The following RHBG variants were observed in gnomAD, a reference collection of about 807,000 sequenced individuals.
RHBG encodes the protein ammonium transporter Rh type B.
In RHBG, 39 loss-of-function variants were observed where a neutral mutation model predicts 40.1. That is an observed-to-expected ratio of 0.97 (90% confidence interval 0.75 to 1.27). The LOEUF (loss-of-function observed/expected upper bound fraction) is 1.27. Among genes scored for constraint, RHBG ranks in the 50% most tolerant of loss-of-function variants. RHBG has a pLI of 0.00. For synonymous variants in RHBG, 237 were observed against 252.5 expected, an observed-to-expected ratio of 0.94 and a Z score of 0.58; for missense variants, 549 against 588.1, an observed-to-expected ratio of 0.93 and a Z score of 0.69.
At chr1:156,378,438 G>A (rs201683131) in intron 4 of RHBG, 39 bp downstream of exon 4, 3 of 1,546,032 alleles carry the variant, frequency 1.9e-6, no homozygotes, top group Non-Finnish European at 2.6e-6. Flanking sequence ...CAGGGGGCTG[G>A]TCTGGAGGCC....
chr1:156,384,173 A>G (rs1667877837), intron 8 of RHBG, among the ~76,000 whole-genome samples: 1 of 152,196 alleles, frequency 6.6e-6, no homozygotes, highest in Non-Finnish European at 1.5e-5. Flanking sequence ...GTGGGAGGCC[A>G]TAGAAAGCTC....
At chr1:156,373,052 G>A (rs1265205274) in intron 1 of RHBG, among the ~76,000 whole-genome samples, 1 of 152,220 alleles carries the variant, frequency 6.6e-6, no homozygotes, top group Non-Finnish European at 1.5e-5. Flanking sequence ...GAGTTATCTA[G>A]CTGGGTTGCA....
chr1:156,370,010 C>T (rs1308880561), intron 1 of RHBG, among the ~76,000 whole-genome samples: 1 of 152,104 alleles, frequency 6.6e-6, no homozygotes, highest in Non-Finnish European at 1.5e-5. Context: ...CTGGTCCTTT[C>T]AGAGACAAAG....
chr1:156,378,405 G>C lies in RHBG; in HGVS notation c.673+6G>C. 6.3e-7 allele frequency: 1 copy of C among 1,587,990 alleles called. No individual in the cohort carries two copies. The highest frequency in any genetic ancestry group is 8.6e-7 in the Non-Finnish European group (1 of 1,164,822). ...AGACCTCTTCGCCATGATTGGTGAGGCCTTCGAGGTGCGGTAGCAGGGCAG... is the reference window on the plus strand; with the variant it reads ...AGACCTCTTCGCCATGATTGGTGAGCCCTTCGAGGTGCGGTAGCAGGGCAG... On this transcript the variant is annotated splice_donor_region_variant and intron_variant, in intron 4 of 9. Coordinates refer to ENST00000537040, the MANE Select transcript of RHBG (RefSeq NM_020407.5).
chr1:156,384,696 C>G (rs1218546137), intron 9 of RHBG, 81 bp from the exon 10 acceptor site: 2 of 1,544,846 alleles, frequency 1.3e-6, no homozygotes, highest in Non-Finnish European at 1.8e-6. Context: ...GCTGCTCCTT[C>G]TCCTCTGGGG....
intron 4 of RHBG, among the ~76,000 whole-genome samples, chr1:156,380,221 C>T (rs1401615925): frequency 6.6e-6 from 1 of 151,170 alleles, no homozygotes; most frequent in African/African-American, 2.4e-5. Context: ...AGCAATTCTC[C>T]TGCCTCAGCC....
At position 156,378,319 on chromosome 1, in the gene RHBG, G is replaced by A. The variant is rs370851160; in HGVS notation, c.593G>A (p.Arg198Gln). Residue 198 changes from arginine (R) to glutamine (Q), a missense_variant, in exon 4 of 10, where the codon CGG (arginine) becomes CAG (glutamine). Arg to Gln is a conservative substitution (Grantham distance 43). Around this residue, in one of 3 missense-constraint regions of RHBG, gnomAD observed 399 missense variants for 417.0 expected, o/e 0.96. Transcript: ENST00000537040. ...GCCTACTTCGGGCTCGTCCTTTCGCGGGTTCTGTACAGGCCCCAGCTGGAG... is the reference window on the plus strand; with the variant it reads ...GCCTACTTCGGGCTCGTCCTTTCGCAGGTTCTGTACAGGCCCCAGCTGGAG... ...FGAYFGLVLS[R>Q]VLYRPQLEKS... 79 of 1,613,928 alleles carry A rather than the reference G, an allele frequency of 4.9e-5. No homozygotes were observed. Among genetic ancestry groups the A allele is most frequent in the African/African-American group, 2.8e-4 (21 of 74,916 alleles).
intron 4 of RHBG, among the ~76,000 whole-genome samples, chr1:156,380,112 C>CTTTTTT (rs67037881): frequency 3.1e-5 from 4 of 130,130 alleles, no homozygotes; most frequent in African/African-American, 8.5e-5. Context: ...CTTTCTTTTT[C>CTTTTTT]TTTTTTTTTT....
rs1169496061 is a variant in RHBG at position 156,377,920 on chromosome 1, A to C, written c.375-70A>C. 1.4e-6 allele frequency: 2 copies of C among 1,460,628 alleles called. No individual in the cohort carries two copies. The highest frequency in any genetic ancestry group is 2.3e-5 in the East Asian group (1 of 43,136). 90.5% of individuals were successfully genotyped at this position (1,460,628 alleles called of 1,614,324 possible). On this transcript the variant is annotated intron_variant, in intron 2 of 9. Coordinates refer to ENST00000537040, the MANE Select transcript of RHBG (RefSeq NM_020407.5). The surrounding 1 kb of genome is among the most constrained non-coding windows in gnomAD (Gnocchi z 4.6). ...CACCACATCATGCTGTCCTGGCTTC[A>C]TGCCAGGCAGGAACCCCGAGGCCAG... is the stretch of plus-strand genomic sequence containing the variant.
chr1:156,377,185 C>T lies in RHBG; in HGVS notation c.188-116C>T, dbSNP rs1019916764. 1.2e-5 allele frequency: 14 copies of T among 1,186,364 alleles called. No individual in the cohort carries two copies. Among genetic ancestry groups the T allele is most frequent in the East Asian group, 2.4e-5 (1 of 42,328 alleles). 73.5% of individuals were successfully genotyped at this position (1,186,364 alleles called of 1,614,324 possible). A position where few individuals can be genotyped will look rare whatever the true frequency, so the allele number is the denominator to read the frequency against. ...ACATGCCTGGGGAGTTTTATAGGCT[C>T]GGCTCAAGGCAGCCCTGGCTGGTGA... On this transcript the variant is annotated intron_variant, in intron 1 of 9. Coordinates refer to ENST00000537040, the MANE Select transcript of RHBG (RefSeq NM_020407.5). The surrounding 1 kb of genome is among the most constrained non-coding windows in gnomAD (Gnocchi z 4.6).
intron 7 of RHBG, chr1:156,382,502 C>T (rs953853798): frequency 2.0e-5 from 13 of 642,050 alleles, no homozygotes; most frequent in African/African-American, 5.5e-5. Flanking sequence ...AAAAGCAACC[C>T]GCAAATGGAG....
At chr1:156,381,993 T>C in intron 6 of RHBG, 50 bp downstream of exon 6, 1 of 1,608,756 alleles carries the variant, frequency 6.2e-7, no homozygotes, top group Admixed American at 1.7e-5. Flanking sequence ...TTTGGTACCT[T>C]TCCTCCCGCC....
At chr1:156,384,452 C>A (rs773285039) in intron 8 of RHBG, 75 bp from the exon 9 acceptor site, 5 of 1,340,306 alleles carry the variant, frequency 3.7e-6, no homozygotes, top group South Asian at 2.3e-5. Context: ...CCCCTGTGCC[C>A]TGTGGCACTG....
chr1:156,375,040 C>G (rs1452863340), intron 1 of RHBG, among the ~76,000 whole-genome samples: 1 of 151,350 alleles, frequency 6.6e-6, no homozygotes, highest in Non-Finnish European at 1.5e-5. Context: ...CATTTAGTGT[C>G]CCAACCCTAG....
Position 156,384,824 on chromosome 1 carries a change from G to A in RHBG, c.1356G>A (p.Glu452=). 1 of 1,613,346 alleles carries A rather than the reference G, an allele frequency of 6.2e-7. No homozygotes were observed. Among genetic ancestry groups the A allele is most frequent in the Non-Finnish European group, 8.5e-7 (1 of 1,179,504 alleles). ...EDKAQRPLRV[E]EADTQA ...AAGCCCAGAGACCTCTGAGGGTGGAGGAGGCAGACACTCAGGCCTAACCCA... is the reference window on the plus strand; with the variant it reads ...AAGCCCAGAGACCTCTGAGGGTGGAAGAGGCAGACACTCAGGCCTAACCCA... The change falls in exon 10 of 10, where the codon GAG becomes GAA. Residue 452 remains glutamate, a synonymous_variant. Coordinates refer to ENST00000537040, the MANE Select transcript of RHBG (RefSeq NM_020407.5).
In RHBG at chr1:156,384,810, C is replaced by T. The variant is rs542723285; in HGVS notation, c.1342C>T (p.Pro448Ser). The T allele has an allele frequency of 6.2e-7, 1 of 1,613,958 alleles. No homozygotes were observed. Among genetic ancestry groups the T allele is most frequent in the Admixed American group, 1.7e-5 (1 of 60,012 alleles). ...CGAGCATGAGGATAAAGCCCAGAGA[C>T]CTCTGAGGGTGGAGGAGGCAGACAC... ...PGEHEDKAQR[P>S]LRVEEADTQA The change falls in exon 10 of 10, where the codon CCT (proline) becomes TCT (serine). Residue 448 changes from proline to serine, a missense_variant. By Grantham distance (74) the Pro-to-Ser change is moderately conservative. Coordinates refer to ENST00000537040, the MANE Select transcript of RHBG (RefSeq NM_020407.5).
Position 156,377,446 on chromosome 1 carries a change from C to T in RHBG, c.333C>T (p.Leu111=), listed in dbSNP as rs1432475798. 2 of 1,613,614 alleles carry T rather than the reference C, an allele frequency of 1.2e-6. No individual in the cohort carries two copies. Among genetic ancestry groups the T allele is most frequent in the East Asian group, 2.2e-5 (1 of 44,864 alleles). ...GGTCCACACTGGTCCAGGGCTTTCT[C>T]CACTCCTTCCACGGTGGCCACATCC... is the stretch of plus-strand genomic sequence containing the variant. The part of the protein sequence containing the change: ...LQWSTLVQGF[L]HSFHGGHIHV... The change falls in exon 2 of 10, where the codon CTC becomes CTT. Residue 111 remains leucine, a synonymous_variant. Transcript: ENST00000537040. The surrounding 1 kb of genome is among the most constrained non-coding windows in gnomAD (Gnocchi z 4.6).
intron 1 of RHBG, among the ~76,000 whole-genome samples, chr1:156,376,070 CT>C (rs1667176286): frequency 6.6e-6 from 1 of 152,072 alleles, no homozygotes; most frequent in African/African-American, 2.4e-5. Context: ...ATCGGTTTAG[CT>C]TTTTATTCAG....
In RHBG at chr1:156,382,731, A is replaced by T; in HGVS notation, c.1113-17A>T. The stretch of plus-strand genomic sequence containing the variant: ...CTCTCCCTACCCCTGCCTTTCCTCT[A>T]TCTGGTCTCCCTGCAGCCTGGAGAG... On this transcript the variant is annotated splice_polypyrimidine_tract_variant and intron_variant, in intron 7 of 9. Transcript: ENST00000537040. 6.2e-7 allele frequency: 1 copy of T among 1,613,536 alleles called. No individual in the cohort carries two copies.
Sources: gnomAD v4.1 joint callset for allele counts (sites outside exome capture counted in the v4.1 genomes callset) on GRCh38, gnomAD v4.1.1 for gene constraint, gnomAD v4.1.1 regional missense constraint, Gnocchi (gnomAD v3.1) non-coding constraint, MANE v1.5 for transcripts, NCBI Gene and HGNC (gene_info 2026-07-23, HGNC 2026-07-21) for gene names.